VSTM2B: variants seen among roughly 807,000 people sequenced by gnomAD.
VSTM2B encodes the protein V-set and transmembrane domain containing 2B.
In VSTM2B, 24 loss-of-function variants were observed where a neutral mutation model predicts 24.0. The observed-to-expected ratio is 1.00, with a 90% CI of 0.72 to 1.40. The LOEUF (loss-of-function observed/expected upper bound fraction) is 1.40, where lower values mean the gene tolerates loss of function less well. VSTM2B is among the 40% of genes most tolerant of loss of function. The pLI is 0.00. For missense variants in VSTM2B, 399 were observed against 416.4 expected (o/e 0.96, Z 0.36); for synonymous variants, 226 against 194.4 (o/e 1.16, Z -1.35).
chr19:29,547,404 A>C (rs1007633175), intron 4 of VSTM2B, among the ~76,000 whole-genome samples: 2 of 152,242 alleles, frequency 1.3e-5, no homozygotes, highest in African/African-American at 4.8e-5. Context: ...TACTTGCTGC[A>C]GTACCTGGCC....
In VSTM2B at chr19:29,526,641, G is replaced by A; in HGVS notation, c.58G>A (p.Ala20Thr). Residue 20 changes from alanine (A) to threonine (T), a missense_variant, in exon 1 of 5, where the codon GCC becomes ACC. By Grantham distance (58) the Ala-to-Thr change is moderately conservative. Transcript: ENST00000335523. This position sits in a 1 kb window ranked among gnomAD's most constrained non-coding sequence, Gnocchi z 4.1. ...LGYLPPLLLH[A>T]LLLFVADAAF... Reference sequence around the variant, plus strand: ...ATACCTGCCGCCTCTGCTGCTGCATGCCCTGCTGCTCTTCGTGGCCGACGG... The same window carrying A: ...ATACCTGCCGCCTCTGCTGCTGCATACCCTGCTGCTCTTCGTGGCCGACGG... 1 of 1,530,332 alleles carries A rather than the reference G, an allele frequency of 6.5e-7. No individual in the cohort carries two copies. Among genetic ancestry groups the A allele is most frequent in the Non-Finnish European group, 8.7e-7 (1 of 1,143,698 alleles). The allele number at this position is 1,530,332 out of a possible 1,614,324, so 94.8% of individuals were successfully genotyped here. A position where few individuals can be genotyped will look rare whatever the true frequency, so the allele number is the denominator to read the frequency against.
intron 4 of VSTM2B, among the ~76,000 whole-genome samples, chr19:29,549,190 T>C (rs1970216037): frequency 6.6e-6 from 1 of 152,234 alleles, no homozygotes. Flanking sequence ...ACTAGACCCT[T>C]CTGCAAATCA....
In VSTM2B at chr19:29,531,846, G is replaced by A. The variant is rs1211907771; in HGVS notation, c.769+1556G>A. Among the ~76,000 whole-genome samples the A allele has an allele frequency of 2.6e-5, 4 of 152,362 alleles. No individual in the cohort carries two copies. In the South Asian group the frequency reaches 8.3e-4, roughly 32 times the overall value. Reference sequence around the variant, plus strand: ...ATATTCCTCGTTCATATCAAGTCCTGCCCTGGAGTGCCCCAGGGCATGTGG... The same window carrying A: ...ATATTCCTCGTTCATATCAAGTCCTACCCTGGAGTGCCCCAGGGCATGTGG... On this transcript the variant is annotated intron_variant, in intron 4 of 4. Coordinates refer to ENST00000335523, the MANE Select transcript of VSTM2B (RefSeq NM_001146339.2).
chr19:29,546,670 G>GCC (rs201235419), intron 4 of VSTM2B, among the ~76,000 whole-genome samples: 35 of 150,428 alleles, frequency 2.3e-4, no homozygotes, highest in African/African-American at 4.2e-4. Context: ...CCGCTGGGGA[G>GCC]CCCCCACCCC....
chr19:29,555,727 T>C (rs1970390762), intron 4 of VSTM2B, among the ~76,000 whole-genome samples: 1 of 151,956 alleles, frequency 6.6e-6, no homozygotes, highest in Non-Finnish European at 1.5e-5. Flanking sequence ...AAAGGAGATA[T>C]CACTACTGAC....
chr19:29,537,881 A>G (rs1670898547), intron 4 of VSTM2B, among the ~76,000 whole-genome samples: 1 of 152,136 alleles, frequency 6.6e-6, no homozygotes, highest in Non-Finnish European at 1.5e-5. Flanking sequence ...GACCGAGGCC[A>G]GGAAAATTAC....
chr19:29,537,526 T>C (rs1453543225), intron 4 of VSTM2B, among the ~76,000 whole-genome samples: 1 of 152,130 alleles, frequency 6.6e-6, no homozygotes, highest in African/African-American at 2.4e-5. Context: ...AAGTTATTGG[T>C]TGTTCTGTTC....
At position 29,526,714 on chromosome 19, in the gene VSTM2B, TG is replaced by T. The variant is rs1482781886; in HGVS notation, c.82+53del. The T allele has an allele frequency of 6.9e-7, 1 of 1,459,664 alleles. No individual in the cohort carries two copies. Among genetic ancestry groups the T allele is most frequent in the Admixed American group, 2.0e-5 (1 of 48,840 alleles). The allele number at this position is 1,459,664 out of a possible 1,614,324, so 90.4% of individuals were successfully genotyped here. On this transcript the variant is annotated intron_variant, in intron 1 of 4. Transcript: ENST00000335523. The surrounding 1 kb of genome is among the most constrained non-coding windows in gnomAD (Gnocchi z 4.1). ...GCTGTGGACTCGGGGGGGTCTTTGC[TG>T]GGGCCGCCACCGAGAAGAAGAAGAA... is the stretch of plus-strand genomic sequence containing the variant.
At chr19:29,527,834 C>A (rs926254983) in intron 2 of VSTM2B, among the ~76,000 whole-genome samples, 5 of 152,292 alleles carry the variant, frequency 3.3e-5, no homozygotes, top group African/African-American at 1.2e-4. Context: ...GCCGGCAGGA[C>A]CTCCAGCCCT....
In VSTM2B at chr19:29,527,457, A is replaced by G. The variant is rs1969611034; in HGVS notation, c.267+62A>G. 3 of 1,382,116 alleles carry G rather than the reference A, an allele frequency of 2.2e-6. No homozygotes were observed. The South Asian group carries it at 4.8e-5, about 22-fold the overall frequency. 85.6% of individuals were successfully genotyped at this position (1,382,116 alleles called of 1,614,324 possible). A position where few individuals can be genotyped will look rare whatever the true frequency, so the allele number is the denominator to read the frequency against. On this transcript the variant is annotated intron_variant, in intron 2 of 4. Transcript: ENST00000335523. Reference sequence around the variant, plus strand: ...GCTCGCGCCCGGGGCGGCGAAGGCTAACCCAGGGAGGGAAGCAGCGGGCTT... The same window carrying G: ...GCTCGCGCCCGGGGCGGCGAAGGCTGACCCAGGGAGGGAAGCAGCGGGCTT...
intron 4 of VSTM2B, among the ~76,000 whole-genome samples, chr19:29,539,200 G>T (rs1035085304): frequency 6.6e-6 from 1 of 152,160 alleles, no homozygotes; most frequent in Non-Finnish European, 1.5e-5. Flanking sequence ...TAAACCCCCA[G>T]GTTTGCCCAC....
At chr19:29,525,661 A>C (rs1969539099), upstream of VSTM2B, 1 of 152,460 alleles carries the variant, frequency 6.6e-6, no homozygotes, top group Non-Finnish European at 1.5e-5. Flanking sequence ...AACTGGGGTA[A>C]GGAGTTGAGG....
chr19:29,548,667 G>T (rs1004502407), intron 4 of VSTM2B, among the ~76,000 whole-genome samples: 10 of 152,210 alleles, frequency 6.6e-5, no homozygotes, highest in Non-Finnish European at 1.5e-4. Flanking sequence ...AGCAGGGCCT[G>T]GGAGATCCCG....
chr19:29,548,608 C>T (rs945699846), intron 4 of VSTM2B, among the ~76,000 whole-genome samples: 7 of 152,184 alleles, frequency 4.6e-5, no homozygotes, highest in African/African-American at 1.4e-4. Flanking sequence ...CACCCTGCAG[C>T]GGGCTGGGCC....
chr19:29,546,579 C>T (rs1355853460), intron 4 of VSTM2B, among the ~76,000 whole-genome samples: 1 of 152,220 alleles, frequency 6.6e-6, no homozygotes, highest in East Asian at 1.9e-4. Context: ...CCCACAGGCT[C>T]AAAGGTTAGC....
chr19:29,545,843 CT>C (rs1164755148), intron 4 of VSTM2B, among the ~76,000 whole-genome samples: 4 of 152,068 alleles, frequency 2.6e-5, no homozygotes, highest in South Asian at 2.1e-4. Context: ...CATGTACCCC[CT>C]GATTCTAAAA....
intron 4 of VSTM2B, among the ~76,000 whole-genome samples, chr19:29,557,555 T>A (rs113431600): frequency 6.6e-6 from 1 of 152,088 alleles, no homozygotes; most frequent in South Asian, 2.1e-4. Context: ...AAAAATTAGC[T>A]GAGCGTGGTG....
intron 4 of VSTM2B, among the ~76,000 whole-genome samples, chr19:29,530,878 C>T (rs571983308): frequency 3.5e-4 from 54 of 152,144 alleles, no homozygotes; most frequent in African/African-American, 1.3e-3. Flanking sequence ...ATCGCAGATC[C>T]TCTCCCTTTG....
chr19:29,553,908 G>C (rs1188179148), intron 4 of VSTM2B, among the ~76,000 whole-genome samples: 1 of 152,160 alleles, frequency 6.6e-6, no homozygotes, highest in African/African-American at 2.4e-5. Context: ...AAACCTCCAA[G>C]AACTATGGGA....
Sources: gnomAD v4.1 joint callset for allele counts (sites outside exome capture counted in the v4.1 genomes callset) on GRCh38, gnomAD v4.1.1 for gene constraint, Gnocchi (gnomAD v3.1) non-coding constraint, MANE v1.5 for transcripts, NCBI Gene and HGNC (gene_info 2026-07-23, HGNC 2026-07-21) for gene names.